Variants in LRP1B observed in about 807,000 individuals in gnomAD.
LRP1B encodes LDL receptor related protein 1B.
In LRP1B, 217 loss-of-function variants were observed where a neutral mutation model predicts 556.6. The ratio of observed to expected loss-of-function variants is 0.39; its 90% CI spans 0.35 to 0.44. The LOEUF is 0.44. Ranked by LOEUF, LRP1B falls within the 20% of genes least tolerant of loss-of-function variation. LRP1B has a pLI of 1.00. For synonymous variants in LRP1B, 2,047 were observed against 1,865.8 expected (o/e 1.10, Z -2.50); for missense variants, 5,053 against 5,620.8 (o/e 0.90, Z 3.23).
At chr2:140,625,644 CAT>C (rs1004833834) in intron 41 of LRP1B, among the ~76,000 whole-genome samples, 10 of 152,252 alleles carry the variant, frequency 6.6e-5, no homozygotes, top group African/African-American at 1.9e-4. Context: ...TTCAACATCA[CAT>C]GTCATTAGGA....
intron 1 of LRP1B, among the ~76,000 whole-genome samples, chr2:141,870,528 T>C (rs1226584426): frequency 6.6e-6 from 1 of 151,984 alleles, no homozygotes; most frequent in Admixed American, 6.6e-5. Context: ...AAAGTTATGC[T>C]TTTGCTCCAT....
At chr2:140,810,026 T>G (rs939982402) in intron 32 of LRP1B, among the ~76,000 whole-genome samples, 5 of 152,200 alleles carry the variant, frequency 3.3e-5, no homozygotes, top group African/African-American at 1.2e-4. Context: ...CTCTACTTAT[T>G]AAAAGGAGAA....
chr2:140,509,388 T>C (rs997201021), intron 52 of LRP1B, among the ~76,000 whole-genome samples: 1 of 152,134 alleles, frequency 6.6e-6, no homozygotes, highest in African/African-American at 2.4e-5. Context: ...ACTTAGTAAA[T>C]TGTCTGACCT....
chr2:140,753,095 C>A lies in LRP1B; in HGVS notation c.5758+16118G>T, dbSNP rs141332553. Among the ~76,000 whole-genome samples, 542 of 152,256 alleles carry A rather than the reference C, an allele frequency of 3.6e-3. 2 individuals carry two copies. Among genetic ancestry groups the A allele is most frequent in the Admixed American group, 6.0e-3 (92 of 15,286 alleles). The stretch of plus-strand genomic sequence containing the variant: ...TCTTTTTACTGTCTCCATAGTTTTA[C>A]ATTTTCAAAAAAGTAATCTACATCA... On this transcript the variant is annotated intron_variant, in intron 35 of 90. Transcript: ENST00000389484.
chr2:140,832,015 G>A (rs543908839), intron 31 of LRP1B, among the ~76,000 whole-genome samples: 17 of 152,118 alleles, frequency 1.1e-4, no homozygotes, highest in Non-Finnish European at 2.2e-4. Flanking sequence ...AAGACAAGAA[G>A]TAACAGTAGC....
chr2:140,766,848 A>ATATATATATATAT (rs1689133877), intron 35 of LRP1B, among the ~76,000 whole-genome samples: 1 of 49,626 alleles, frequency 2.0e-5, no homozygotes, highest in Non-Finnish European at 5.5e-5. Context: ...TATATATTAT[A>ATATATATATATAT]TATATATATA....
chr2:141,168,412 C>G (rs1337339148), intron 7 of LRP1B, among the ~76,000 whole-genome samples: 1 of 151,974 alleles, frequency 6.6e-6, no homozygotes, highest in African/African-American at 2.4e-5. Flanking sequence ...CTGTGCAAGA[C>G]AGTAAACTAT....
intron 66 of LRP1B, among the ~76,000 whole-genome samples, chr2:140,426,051 CAGAT>C (rs1259292235): frequency 6.6e-6 from 1 of 152,106 alleles, no homozygotes. Context: ...TTAAAGAAAA[CAGAT>C]AATACAAACT....
chr2:141,590,959 T>G (rs1469625747), intron 2 of LRP1B, among the ~76,000 whole-genome samples: 2 of 152,204 alleles, frequency 1.3e-5, no homozygotes, highest in African/African-American at 2.4e-5. Flanking sequence ...TAAAAGTCTT[T>G]GACAAGTTTT....
chr2:141,586,010 G>C (rs1299158906), intron 2 of LRP1B, among the ~76,000 whole-genome samples: 2 of 152,000 alleles, frequency 1.3e-5, no homozygotes, highest in South Asian at 2.1e-4. Context: ...GAACCACAAT[G>C]CCTGGCTAGA....
At chr2:141,226,606 C>T (rs1402038465) in intron 6 of LRP1B, among the ~76,000 whole-genome samples, 3 of 152,224 alleles carry the variant, frequency 2.0e-5, no homozygotes, top group Admixed American at 6.5e-5. Flanking sequence ...TAAAGAGAAT[C>T]TCTGAAACAG....
chr2:141,790,858 A>T (rs1234435567), intron 2 of LRP1B, among the ~76,000 whole-genome samples: 1 of 151,982 alleles, frequency 6.6e-6, no homozygotes, highest in African/African-American at 2.4e-5. Flanking sequence ...AAAGCATTTC[A>T]TATTTTTTTG....
At chr2:141,006,108 CAT>C (rs1259398213) in intron 14 of LRP1B, among the ~76,000 whole-genome samples, 1 of 151,946 alleles carries the variant, frequency 6.6e-6, no homozygotes, top group African/African-American at 2.4e-5. Flanking sequence ...ATACATTATT[CAT>C]GAACGTATGT....
intron 18 of LRP1B, among the ~76,000 whole-genome samples, chr2:140,967,819 T>C (rs1696280135): frequency 6.6e-6 from 1 of 151,986 alleles, no homozygotes; most frequent in Admixed American, 6.6e-5. Context: ...TTGTCTTTGG[T>C]TCTGTTTATA....
At chr2:141,243,723 C>T (rs1409337081) in intron 5 of LRP1B, among the ~76,000 whole-genome samples, 1 of 151,958 alleles carries the variant, frequency 6.6e-6, no homozygotes, top group East Asian at 1.9e-4. Context: ...ACTAGATTAC[C>T]ATTGAAGTTC....
chr2:141,993,829 T>G (rs1378567844), intron 1 of LRP1B, among the ~76,000 whole-genome samples: 1 of 152,158 alleles, frequency 6.6e-6, no homozygotes, highest in Non-Finnish European at 1.5e-5. Context: ...ATGGCAATGT[T>G]CACATTGCCT....
chr2:140,362,257 A>G (rs963634252), intron 72 of LRP1B, among the ~76,000 whole-genome samples: 2 of 151,554 alleles, frequency 1.3e-5, no homozygotes, highest in Admixed American at 1.3e-4. Flanking sequence ...ATTTCCAATT[A>G]CTTTCCAGCT....
chr2:141,964,687 A>C (rs1365654990), intron 1 of LRP1B, among the ~76,000 whole-genome samples: 7 of 150,320 alleles, frequency 4.7e-5, no homozygotes, highest in Admixed American at 2.6e-4. Context: ...AGGCGTGGGC[A>C]AGGACTTCAT....
intron 46 of LRP1B, 33 bp downstream of exon 46, chr2:140,536,548 T>C (rs1424438681): frequency 1.3e-6 from 2 of 1,583,088 alleles, no homozygotes; most frequent in African/African-American, 1.4e-5. Flanking sequence ...GAAAACTTTA[T>C]CTGAAACGAG....
Sources: gnomAD v4.1 joint callset for allele counts (sites outside exome capture counted in the v4.1 genomes callset) on GRCh38, gnomAD v4.1.1 for gene constraint, MANE v1.5 for transcripts, NCBI Gene and HGNC (gene_info 2026-07-23, HGNC 2026-07-21) for gene names.